Variants in TYW1 observed in about 807,000 individuals in gnomAD.
The protein encoded by TYW1 is S-adenosyl-L-methionine-dependent tRNA 4-demethylwyosine synthase TYW1.
TYW1 carries 46 observed loss-of-function variants against 96.2 expected under a neutral mutation model. That is an observed-to-expected ratio of 0.48 (90% CI 0.38 to 0.61). TYW1 has a LOEUF of 0.61. TYW1 is among the 20% of genes least tolerant of loss of function. The probability of loss-of-function intolerance (pLI) is 0.00; values close to 1 mark genes in which losing one functional copy is unlikely to be tolerated. For missense variants in TYW1, 684 were observed against 909.6 expected, an observed-to-expected ratio of 0.75 and a Z score of 3.19; for synonymous variants, 274 against 323.0, an observed-to-expected ratio of 0.85 and a Z score of 1.63.
chr7:67,231,119 C>T (rs1188054753), intron 15 of TYW1, among the ~76,000 whole-genome samples: 1 of 152,098 alleles, frequency 6.6e-6, no homozygotes, highest in East Asian at 1.9e-4. Context: ...CAAGCCATGC[C>T]ATCTCCTGCA....
intron 12 of TYW1, among the ~76,000 whole-genome samples, chr7:67,104,312 G>A (rs1797174093): frequency 6.6e-6 from 1 of 152,162 alleles, no homozygotes; most frequent in East Asian, 1.9e-4. Flanking sequence ...AGCACGGCAG[G>A]GGAGGCCTCA....
chr7:67,158,487 T>G (rs1799056295), intron 13 of TYW1, among the ~76,000 whole-genome samples: 1 of 152,176 alleles, frequency 6.6e-6, no homozygotes, highest in Non-Finnish European at 1.5e-5. Context: ...CCTGCCAATG[T>G]GTGATGTTGA....
intron 13 of TYW1, among the ~76,000 whole-genome samples, chr7:67,181,282 ATATAAG>A (rs771774804): frequency 2.9e-4 from 44 of 152,288 alleles, no homozygotes; most frequent in Admixed American, 5.2e-4. Flanking sequence ...ATTTTTACAT[ATATAAG>A]TATGAGTGAG....
At chr7:67,067,261 T>C in intron 9 of TYW1, 24 bp from the exon 10 acceptor site, 1 of 1,611,430 alleles carries the variant, frequency 6.2e-7, no homozygotes, top group Non-Finnish European at 8.5e-7. Context: ...TTTATTCAAA[T>C]TGTGATTTGT....
rs1028304308 is a variant in TYW1, at chr7:67,220,393, T to C, written c.1978-17915T>C. Among the ~76,000 whole-genome samples, 23 of 151,918 alleles carry C rather than the reference T, an allele frequency of 1.5e-4. No individual in the cohort carries two copies. The South Asian group carries it at 1.7e-3, about 11-fold the overall frequency. ...TAATTTTTTGTATTTTTAGTAAAGA[T>C]GGGGTTTCACCGTGTTAGCCAGGAT... is the stretch of plus-strand genomic sequence containing the variant. On this transcript the variant is annotated intron_variant, in intron 15 of 15. Coordinates refer to ENST00000359626, the MANE Select transcript of TYW1 (RefSeq NM_018264.4).
chr7:67,140,217 A>G (rs1163089910), intron 13 of TYW1, among the ~76,000 whole-genome samples: 1 of 152,226 alleles, frequency 6.6e-6, no homozygotes, highest in African/African-American at 2.4e-5. Context: ...CCCCCACAAC[A>G]TGTGGGAATT....
chr7:67,017,058 T>C (rs1025089961), intron 5 of TYW1, among the ~76,000 whole-genome samples: 2 of 149,106 alleles, frequency 1.3e-5, no homozygotes, highest in Non-Finnish European at 1.5e-5. Flanking sequence ...TCTCGGCTCA[T>C]TGCAACTTCT....
At chr7:67,002,532 G>A (rs1234494216) in intron 3 of TYW1, among the ~76,000 whole-genome samples, 2 of 152,192 alleles carry the variant, frequency 1.3e-5, no homozygotes, top group African/African-American at 2.4e-5. Context: ...ATTTGTAGAT[G>A]ACTTGATTAT....
chr7:67,095,337 C>T (rs1373559540), intron 11 of TYW1, among the ~76,000 whole-genome samples: 1 of 151,992 alleles, frequency 6.6e-6, no homozygotes. Context: ...GGTTCTCCTG[C>T]CCAGCCCACT....
At position 67,051,334 on chromosome 7, in the gene TYW1, G is replaced by A. The variant is rs767475969; in HGVS notation, c.1102+1268G>A. Reference sequence around the variant, plus strand: ...TACTTTTGTTTTTTGGTTGAGTCGGGTCTTGCTCTTTTGCTTAGGCTGGAG... The same window carrying A: ...TACTTTTGTTTTTTGGTTGAGTCGGATCTTGCTCTTTTGCTTAGGCTGGAG... On this transcript the variant is annotated intron_variant, in intron 8 of 15. Transcript: ENST00000359626. Among the ~76,000 whole-genome samples, 5 of 151,436 alleles carry A rather than the reference G, an allele frequency of 3.3e-5. 1 individual carries two copies. The South Asian group carries it at 1.0e-3, about 32-fold the overall frequency.
At chr7:67,023,335 G>C (rs1345007183) in intron 6 of TYW1, among the ~76,000 whole-genome samples, 1 of 152,064 alleles carries the variant, frequency 6.6e-6, no homozygotes, top group Admixed American at 6.6e-5. Flanking sequence ...GACCTCAGGT[G>C]ATCCATCTTC....
chr7:67,036,040 CTTT>C (rs34975904), intron 7 of TYW1, among the ~76,000 whole-genome samples: 8 of 135,418 alleles, frequency 5.9e-5, no homozygotes, highest in Admixed American at 1.5e-4. Context: ...TTGATATTTC[CTTT>C]TTTTTTTTTT....
chr7:67,007,991 C>T (rs1177950780), intron 3 of TYW1, among the ~76,000 whole-genome samples: 1 of 152,122 alleles, frequency 6.6e-6, no homozygotes, highest in African/African-American at 2.4e-5. Flanking sequence ...TATCATTAGC[C>T]CACAAGACTG....
chr7:67,049,212 T>C (rs1370947904), intron 7 of TYW1, among the ~76,000 whole-genome samples: 2 of 152,226 alleles, frequency 1.3e-5, no homozygotes, highest in African/African-American at 4.8e-5. Context: ...GTGATTTTAT[T>C]GCATTTAACC....
At chr7:67,116,696 C>T (rs1797605537) in intron 12 of TYW1, among the ~76,000 whole-genome samples, 1 of 151,534 alleles carries the variant, frequency 6.6e-6, no homozygotes. Flanking sequence ...GGGGATTGGG[C>T]CGGGGGAAAA....
chr7:67,116,801 T>G (rs1435427757), intron 12 of TYW1, among the ~76,000 whole-genome samples: 1 of 152,190 alleles, frequency 6.6e-6, no homozygotes, highest in Non-Finnish European at 1.5e-5. Flanking sequence ...GAATGAGTGG[T>G]ATTCATGGAA....
chr7:67,228,230 G>A (rs1198949175), intron 15 of TYW1, among the ~76,000 whole-genome samples: 1 of 152,166 alleles, frequency 6.6e-6, no homozygotes, highest in Non-Finnish European at 1.5e-5. Flanking sequence ...GAGGTTTAAT[G>A]GACTCACAGT....
intron 12 of TYW1, among the ~76,000 whole-genome samples, chr7:67,102,885 G>A (rs1371621246): frequency 3.3e-5 from 5 of 152,144 alleles, no homozygotes; most frequent in Non-Finnish European, 7.3e-5. Context: ...TCCTGACCTC[G>A]TAATCCGCCC....
intron 14 of TYW1, among the ~76,000 whole-genome samples, chr7:67,190,688 C>A (rs888623093): frequency 1.3e-5 from 2 of 152,182 alleles, no homozygotes; most frequent in African/African-American, 4.8e-5. Flanking sequence ...TGAGGAAGGC[C>A]TCGTGCCGTG....
Sources: gnomAD v4.1 joint callset for allele counts (sites outside exome capture counted in the v4.1 genomes callset) on GRCh38, gnomAD v4.1.1 for gene constraint, MANE v1.5 for transcripts, NCBI Gene and HGNC (gene_info 2026-07-23, HGNC 2026-07-21) for gene names.